CTNNA3: variants seen among roughly 807,000 people sequenced by gnomAD.
CTNNA3 encodes the protein catenin alpha-3.
In CTNNA3, 76 loss-of-function variants were observed where a neutral mutation model predicts 95.7. That is an observed-to-expected ratio of 0.79 (90% CI 0.66 to 0.96). CTNNA3 has a LOEUF of 0.96. Among genes scored for constraint, CTNNA3 ranks in the 40% least tolerant of loss-of-function variants. The probability of loss-of-function intolerance (pLI) is 0.00; values close to 1 mark genes in which losing one functional copy is unlikely to be tolerated. For missense variants in CTNNA3, 1,191 were observed against 1,089.8 expected, an observed-to-expected ratio of 1.09 and a Z score of -1.31; for synonymous variants, 431 against 374.4, an observed-to-expected ratio of 1.15 and a Z score of -1.74.
chr10:67,120,050 C>T (rs1171700467), intron 7 of CTNNA3, among the ~76,000 whole-genome samples: 1 of 151,798 alleles, frequency 6.6e-6, no homozygotes, highest in Non-Finnish European at 1.5e-5. Context: ...CTGAATCAGA[C>T]CTTAAACTAT....
At chr10:66,430,384 C>A (rs1456687574) in intron 11 of CTNNA3, among the ~76,000 whole-genome samples, 1 of 152,132 alleles carries the variant, frequency 6.6e-6, no homozygotes, top group Non-Finnish European at 1.5e-5. Context: ...ACTTTCTTCA[C>A]AGAATTGGAA....
intron 7 of CTNNA3, among the ~76,000 whole-genome samples, chr10:67,135,764 C>T (rs1860271990): frequency 6.6e-6 from 1 of 152,130 alleles, no homozygotes; most frequent in Admixed American, 6.6e-5. Context: ...ACACCAAAAG[C>T]ATTGATTTAA....
At chr10:67,353,831 T>G (rs1842719978) in intron 5 of CTNNA3, among the ~76,000 whole-genome samples, 2 of 151,648 alleles carry the variant, frequency 1.3e-5, no homozygotes, top group Non-Finnish European at 2.9e-5. Context: ...TTACCAAGAG[T>G]CATCACTAAA....
chr10:66,242,479 G>T lies in CTNNA3; in HGVS notation c.1884+37991C>A, dbSNP rs190250266. On this transcript the variant is annotated intron_variant, in intron 13 of 17. Coordinates refer to ENST00000433211, the MANE Select transcript of CTNNA3 (RefSeq NM_013266.4). ...TGCTATCAAGAACATACGAAGAACT[G>T]CCAAAAGTAAAAATATGAAAAATTA... 1.2e-3 allele frequency among the ~76,000 whole-genome samples: 186 copies of T among 152,094 alleles called. 2 individuals carry two copies. The highest frequency in any genetic ancestry group is 0.01 in the Middle Eastern group (3 of 294).
chr10:66,054,275 C>T (rs954298041), intron 15 of CTNNA3, among the ~76,000 whole-genome samples: 1 of 152,104 alleles, frequency 6.6e-6, no homozygotes, highest in South Asian at 2.1e-4. Flanking sequence ...CATGGAAGTT[C>T]TAATTTTAGA....
At chr10:66,876,005 C>A (rs1447700625) in intron 7 of CTNNA3, among the ~76,000 whole-genome samples, 2 of 152,132 alleles carry the variant, frequency 1.3e-5, no homozygotes, top group Non-Finnish European at 2.9e-5. Flanking sequence ...AGGCCCAAGA[C>A]TTGTTTAAGA....
chr10:66,318,089 C>T (rs72799199), intron 12 of CTNNA3, among the ~76,000 whole-genome samples: 8,451 of 151,906 alleles, frequency 0.056, 327 homozygotes, highest in Middle Eastern at 0.082. Flanking sequence ...TGTACAGGCT[C>T]TTATTTATTT....
At chr10:65,976,938 G>C (rs1362450009) in intron 16 of CTNNA3, among the ~76,000 whole-genome samples, 1 of 151,646 alleles carries the variant, frequency 6.6e-6, no homozygotes, top group Non-Finnish European at 1.5e-5. Context: ...TAATTTTGTT[G>C]ATTATTACAT....
chr10:66,428,359 A>T (rs1170914777), intron 11 of CTNNA3, among the ~76,000 whole-genome samples: 1 of 152,192 alleles, frequency 6.6e-6, no homozygotes, highest in Non-Finnish European at 1.5e-5. Context: ...CAGAAAGTTA[A>T]CAAGGATATC....
At chr10:66,353,639 C>T (rs898179642) in intron 12 of CTNNA3, among the ~76,000 whole-genome samples, 7 of 151,868 alleles carry the variant, frequency 4.6e-5, no homozygotes, top group Non-Finnish European at 8.8e-5. Flanking sequence ...CCGAGTCTGC[C>T]CACTCAGCCT....
At chr10:67,465,679 A>AG in intron 5 of CTNNA3, among the ~76,000 whole-genome samples, 1 of 152,276 alleles carries the variant, frequency 6.6e-6, no homozygotes, top group Non-Finnish European at 1.5e-5. Context: ...CTCAGCACCC[A>AG]GGGGAGAGAA....
At chr10:67,253,671 G>A (rs1406127681) in intron 5 of CTNNA3, among the ~76,000 whole-genome samples, 1 of 152,144 alleles carries the variant, frequency 6.6e-6, no homozygotes, top group African/African-American at 2.4e-5. Flanking sequence ...GGAGGTAACC[G>A]GCAATGCCAA....
At chr10:67,110,062 A>G (rs530705203) in intron 7 of CTNNA3, among the ~76,000 whole-genome samples, 2 of 152,260 alleles carry the variant, frequency 1.3e-5, no homozygotes, top group South Asian at 2.1e-4. Context: ...CTGTATTCAA[A>G]TAATTATTTC....
chr10:67,535,372 T>C (rs1840456856), intron 4 of CTNNA3, among the ~76,000 whole-genome samples: 1 of 151,882 alleles, frequency 6.6e-6, no homozygotes, highest in Non-Finnish European at 1.5e-5. Context: ...GAAGACAAAA[T>C]CGAGAGTCAA....
intron 9 of CTNNA3, among the ~76,000 whole-genome samples, chr10:66,688,306 G>C (rs1351920888): frequency 6.6e-6 from 1 of 152,046 alleles, no homozygotes; most frequent in East Asian, 1.9e-4. Context: ...TGTTTCCCCT[G>C]CCTATGTCCT....
chr10:66,338,893 T>C (rs1013181000), intron 12 of CTNNA3, among the ~76,000 whole-genome samples: 1 of 151,908 alleles, frequency 6.6e-6, no homozygotes, highest in Non-Finnish European at 1.5e-5. Context: ...CATGAAATAA[T>C]TTTAAAAAAT....
intron 9 of CTNNA3, among the ~76,000 whole-genome samples, chr10:66,668,273 T>A (rs1846528158): frequency 6.6e-6 from 1 of 152,056 alleles, no homozygotes; most frequent in Admixed American, 6.5e-5. Context: ...ATGGGAAACA[T>A]AAAAGGGAAA....
intron 6 of CTNNA3, among the ~76,000 whole-genome samples, chr10:67,182,096 G>A (rs972833808): frequency 1.3e-5 from 2 of 152,056 alleles, no homozygotes; most frequent in African/African-American, 2.4e-5. Flanking sequence ...AATCAATATC[G>A]TGAAAATGGC....
At chr10:67,579,682 TG>T (rs1842309944) in intron 3 of CTNNA3, among the ~76,000 whole-genome samples, 3 of 152,186 alleles carry the variant, frequency 2.0e-5, no homozygotes, top group African/African-American at 7.2e-5. Context: ...AGTGTAAAAG[TG>T]TTCCTATTTC....
Sources: allele counts gnomAD v4.1 joint callset (sites outside exome capture counted in the v4.1 genomes callset), GRCh38; gene constraint gnomAD v4.1.1; transcripts MANE v1.5; gene names NCBI Gene and HGNC (gene_info 2026-07-23, HGNC 2026-07-21).